CA10: variants seen among roughly 807,000 people sequenced by gnomAD.
CA10 encodes the protein carbonic anhydrase-related protein 10.
In CA10, 14 loss-of-function variants were observed where a neutral mutation model predicts 44.2. The observed-to-expected ratio is 0.32, with a 90% CI of 0.21 to 0.50. The LOEUF (loss-of-function observed/expected upper bound fraction) is 0.50, where lower values mean the gene tolerates loss of function less well. CA10 is among the 20% of genes least tolerant of loss of function. The probability of loss-of-function intolerance (pLI) is 0.99; values close to 1 mark genes in which losing one functional copy is unlikely to be tolerated. For synonymous variants in CA10, 159 were observed against 141.6 expected (o/e 1.12, Z -0.87); for missense variants, 350 against 409.7 (o/e 0.85, Z 1.26).
At chr17:51,877,964 G>A (rs1980153949) in intron 3 of CA10, among the ~76,000 whole-genome samples, 1 of 151,652 alleles carries the variant, frequency 6.6e-6, no homozygotes, top group Non-Finnish European at 1.5e-5. Flanking sequence ...CTAACATGGT[G>A]AAACCCCAAC....
chr17:52,014,190 A>T (rs532256627), intron 2 of CA10, among the ~76,000 whole-genome samples: 136 of 152,084 alleles, frequency 8.9e-4, no homozygotes, highest in Middle Eastern at 3.4e-3. Context: ...ATAAATTCTT[A>T]TGAAAGAGGA....
chr17:51,740,589 C>G (rs541970400), intron 4 of CA10, among the ~76,000 whole-genome samples: 1 of 152,286 alleles, frequency 6.6e-6, no homozygotes, highest in South Asian at 2.1e-4. Context: ...GGAATTTATT[C>G]AGAGTAAAAA....
intron 4 of CA10, among the ~76,000 whole-genome samples, chr17:51,690,436 T>A (rs1915154312): frequency 6.6e-6 from 1 of 152,228 alleles, no homozygotes; most frequent in Non-Finnish European, 1.5e-5. Context: ...TTTAACTTTT[T>A]AAGATTCCAT....
chr17:51,844,207 G>A (rs1157393608), intron 3 of CA10, among the ~76,000 whole-genome samples: 1 of 152,068 alleles, frequency 6.6e-6, no homozygotes, highest in Admixed American at 6.6e-5. Context: ...TAGGCTTCCA[G>A]AAGAGAATGC....
intron 2 of CA10, among the ~76,000 whole-genome samples, chr17:51,966,387 G>C (rs1346501375): frequency 6.6e-6 from 1 of 151,772 alleles, no homozygotes; most frequent in African/African-American, 2.4e-5. Context: ...CTCAAAAAGA[G>C]CCCAAGTAGC....
At chr17:52,056,717 G>A (rs1314342754) in intron 2 of CA10, among the ~76,000 whole-genome samples, 1 of 151,850 alleles carries the variant, frequency 6.6e-6, no homozygotes, top group African/African-American at 2.4e-5. Context: ...AAAGCATCCT[G>A]CTGTGTATTC....
At chr17:51,819,726 T>C (rs1372832262) in intron 3 of CA10, among the ~76,000 whole-genome samples, 1 of 152,216 alleles carries the variant, frequency 6.6e-6, no homozygotes, top group Non-Finnish European at 1.5e-5. Flanking sequence ...GGTGGGATTC[T>C]CTTTCCAGCT....
intron 6 of CA10, among the ~76,000 whole-genome samples, chr17:51,646,948 T>C (rs1274157118): frequency 6.6e-6 from 1 of 152,144 alleles, no homozygotes; most frequent in Non-Finnish European, 1.5e-5. Flanking sequence ...ATTCCTGTTA[T>C]TAGGGGGCCT....
At chr17:51,868,095 C>CAA (rs1295320360) in intron 3 of CA10, among the ~76,000 whole-genome samples, 7 of 146,210 alleles carry the variant, frequency 4.8e-5, no homozygotes, top group South Asian at 4.4e-4. Context: ...CACACACACA[C>CAA]AAAGATATTC....
At chr17:51,810,985 C>T (rs1907338485) in intron 3 of CA10, among the ~76,000 whole-genome samples, 1 of 152,140 alleles carries the variant, frequency 6.6e-6, no homozygotes, top group African/African-American at 2.4e-5. Flanking sequence ...TACCTGAGGT[C>T]AGGAGTTTGA....
chr17:51,975,827 C>T (rs1307335957), intron 2 of CA10, among the ~76,000 whole-genome samples: 14 of 148,844 alleles, frequency 9.4e-5, no homozygotes, highest in Non-Finnish European at 1.3e-4. Context: ...GCTGAGGTCG[C>T]GCCGCTGCAC....
chr17:51,850,879 A>T (rs575734967), intron 3 of CA10, among the ~76,000 whole-genome samples: 1 of 152,328 alleles, frequency 6.6e-6, no homozygotes, highest in South Asian at 2.1e-4. Context: ...TTTGTGCAGA[A>T]GAGTGAATTC....
At chr17:51,741,003 GTCTC>G (rs1295568772) in intron 4 of CA10, among the ~76,000 whole-genome samples, 1 of 151,916 alleles carries the variant, frequency 6.6e-6, no homozygotes, top group Non-Finnish European at 1.5e-5. Flanking sequence ...TTTATTATCT[GTCTC>G]CCCCCGCTAG....
At chr17:51,952,536 C>T (rs1879091600) in intron 2 of CA10, among the ~76,000 whole-genome samples, 1 of 134,296 alleles carries the variant, frequency 7.4e-6, no homozygotes, top group Admixed American at 8.0e-5. Context: ...GCCTGGGTGA[C>T]AGAGAGGGAC....
intron 3 of CA10, among the ~76,000 whole-genome samples, chr17:51,858,939 C>T (rs7220838): frequency 0.081 from 12,297 of 151,812 alleles, 771 homozygotes; most frequent in African/African-American, 0.18. Context: ...ATCAAAGTCT[C>T]GGTGTTCCCA....
chr17:52,120,823 C>T (rs1484415115), intron 1 of CA10, among the ~76,000 whole-genome samples: 1 of 152,124 alleles, frequency 6.6e-6, no homozygotes, highest in African/African-American at 2.4e-5. Flanking sequence ...GTTGGCAGGA[C>T]CCACTCTTTC....
intron 1 of CA10, among the ~76,000 whole-genome samples, chr17:52,122,942 T>C (rs1176379352): frequency 6.6e-6 from 1 of 152,228 alleles, no homozygotes; most frequent in Admixed American, 6.5e-5. Flanking sequence ...CCAGGGCTTG[T>C]GTTTTGAAAT....
intron 3 of CA10, among the ~76,000 whole-genome samples, chr17:51,806,312 T>A (rs1056070037): frequency 6.6e-6 from 1 of 152,258 alleles, no homozygotes; most frequent in South Asian, 2.1e-4. Context: ...TAAGGCCTGA[T>A]TAAATGTGAC....
chr17:51,798,282 C>G (rs531355121), intron 3 of CA10, among the ~76,000 whole-genome samples: 1 of 152,162 alleles, frequency 6.6e-6, no homozygotes, highest in East Asian at 1.9e-4. Flanking sequence ...CACCTCAAGG[C>G]GCTAGGAAGA....
Sources: gnomAD v4.1 joint callset for allele counts (sites outside exome capture counted in the v4.1 genomes callset) on GRCh38, gnomAD v4.1.1 for gene constraint, MANE v1.5 for transcripts, NCBI Gene and HGNC (gene_info 2026-07-23, HGNC 2026-07-21) for gene names.